Variants in MEPE observed in about 807,000 individuals in gnomAD.
MEPE encodes the protein matrix extracellular phosphoglycoprotein, also known as matrix, extracellular phosphoglycoprotein with ASARM motif (bone).
In MEPE, 7 loss-of-function variants were observed where a neutral mutation model predicts 7.3. The ratio of observed to expected loss-of-function variants is 0.95; its 90% confidence interval spans 0.54 to 1.79. The LOEUF is 1.79. MEPE is among the 40% of genes most tolerant of loss of function. The pLI, the probability that MEPE is intolerant of heterozygous loss-of-function variation, is 0.00. For missense variants in MEPE, 623 were observed against 628.2 expected (o/e 0.99, Z 0.09); for synonymous variants, 214 against 213.1 (o/e 1.00, Z -0.04).
intron 2 of MEPE, among the ~76,000 whole-genome samples, chr4:87,837,470 G>C (rs1374956513): frequency 6.6e-6 from 1 of 152,242 alleles, no homozygotes; most frequent in Non-Finnish European, 1.5e-5. Context: ...AAGGAGCTGA[G>C]AGCAAGCAGG....
At chr4:87,834,866 C>A in intron 2 of MEPE, 98 bp downstream of exon 2, 1 of 970,352 alleles carries the variant, frequency 1.0e-6, no homozygotes, top group Non-Finnish European at 1.6e-6. Context: ...TAGCATCTAC[C>A]TAATTCAGTT....
intron 3 of MEPE, among the ~76,000 whole-genome samples, chr4:87,844,290 T>C (rs886068296): frequency 3.9e-5 from 6 of 152,184 alleles, no homozygotes; most frequent in African/African-American, 1.4e-4. Flanking sequence ...TACTGAAAGT[T>C]GGCTGCACCC....
Position 87,845,865 on chromosome 4 carries a change from A to T in MEPE, c.997A>T (p.Ser333Cys). 6.2e-7 allele frequency: 1 copy of T among 1,614,048 alleles called. No individual in the cohort carries two copies. Among genetic ancestry groups the T allele is most frequent in the Non-Finnish European group, 8.5e-7 (1 of 1,179,982 alleles). The change falls in exon 4 of 4, where the codon AGC becomes TGC. Residue 333 changes from serine (S) to cysteine (C), a missense_variant. Physicochemically the swap from Ser to Cys is moderately radical, Grantham distance 112. Coordinates refer to ENST00000361056, the MANE Select transcript of MEPE (RefSeq NM_020203.6). Reference protein sequence around the residue: ...TAKEADAVDVSLVEGSNDIMG... With the variant: ...TAKEADAVDVCLVEGSNDIMG... ...GAAAGAGGCAGATGCTGTTGATGTC[A>T]GCCTTGTAGAGGGCAGCAACGATAT...
At position 87,845,359 on chromosome 4, in the gene MEPE, T is replaced by TG. The variant is rs756230387; in HGVS notation, c.496dup (p.Glu166GlyfsTer9). On this transcript the variant is annotated frameshift_variant, in exon 4 of 4. Coordinates refer to ENST00000361056, the MANE Select transcript of MEPE (RefSeq NM_020203.6). LOFTEE classifies it low-confidence loss of function (END_TRUNC). ...GGGCCAGTGACTGCGATTAAACTCC[T>TG]GGGGGAAGAAAACAAAGAGAACACA... The TG allele has an allele frequency of 3.5e-5, 56 of 1,613,798 alleles. No homozygotes were observed. The highest frequency in any genetic ancestry group is 4.7e-5 in the Non-Finnish European group (55 of 1,179,946).
At chr4:87,832,615 G>C (rs1722628088), upstream of MEPE, among the ~76,000 whole-genome samples, 1 of 152,114 alleles carries the variant, frequency 6.6e-6, no homozygotes, top group Non-Finnish European at 1.5e-5. Context: ...ATTTCACTTA[G>C]ATAAAATTGA....
rs940585358 is a variant in MEPE at position 87,834,635 on chromosome 4, A to C, written c.-12-68A>C. ...GTGTTTATATATTCCTATGTGTTTT[A>C]TCTCTTCTTATGGCTGCAGTTTATA... On this transcript the variant is annotated intron_variant, in intron 1 of 3. Coordinates refer to ENST00000361056, the MANE Select transcript of MEPE (RefSeq NM_020203.6). 25 of 1,231,902 alleles carry C rather than the reference A, an allele frequency of 2.0e-5. No homozygotes were observed. The South Asian group carries it at 3.1e-4, about 15-fold the overall frequency. The allele number at this position is 1,231,902 out of a possible 1,614,324, so 76.3% of individuals were successfully genotyped here.
upstream of MEPE, among the ~76,000 whole-genome samples, chr4:87,830,675 C>G (rs528095627): frequency 6.6e-6 from 1 of 152,174 alleles, no homozygotes; most frequent in African/African-American, 2.4e-5. Context: ...CAACAAACCC[C>G]AGGGACATGT....
chr4:87,822,266 C>G (rs1722355740), intron 1 of MEPE, among the ~76,000 whole-genome samples: 1 of 152,142 alleles, frequency 6.6e-6, no homozygotes, highest in Non-Finnish European at 1.5e-5. Context: ...GCCCAATCAC[C>G]TGACTCATCA....
intron 3 of MEPE, chr4:87,840,109 A>G (rs1044364037): frequency 7.3e-6 from 11 of 1,516,808 alleles, no homozygotes; most frequent in South Asian, 1.2e-5. Context: ...GTTTTATAAG[A>G]AAGTTTTCTT....
chr4:87,830,789 T>C (rs948471133), upstream of MEPE, among the ~76,000 whole-genome samples: 21 of 150,252 alleles, frequency 1.4e-4, no homozygotes, highest in South Asian at 2.1e-4. Flanking sequence ...CAGCTCTGGA[T>C]ACTCAAAAGA....
At chr4:87,828,421 A>T (rs574912900), upstream of MEPE, among the ~76,000 whole-genome samples, 34 of 152,156 alleles carry the variant, frequency 2.2e-4, no homozygotes, top group Non-Finnish European at 3.4e-4. Flanking sequence ...TGACAGAGAA[A>T]TGTGTTACCT....
upstream of MEPE, among the ~76,000 whole-genome samples, chr4:87,831,085 G>A (rs1304758236): frequency 6.6e-6 from 1 of 151,940 alleles, no homozygotes; most frequent in Non-Finnish European, 1.5e-5. Context: ...TCTTATTGAT[G>A]CTTTAATATA....
chr4:87,845,877 G>A lies in MEPE; in HGVS notation c.1009G>A (p.Gly337Ser). ...TGCTGTTGATGTCAGCCTTGTAGAG[G>A]GCAGCAACGATATCATGGGTAGTAC... ...ADAVDVSLVEGSNDIMGSTNF... is the reference protein window; with the variant it reads ...ADAVDVSLVESSNDIMGSTNF... The change falls in exon 4 of 4, where the codon GGC becomes AGC. Residue 337 changes from glycine (G) to serine (S), a missense_variant. Physicochemically the swap from Gly to Ser is moderately conservative, Grantham distance 56. Transcript: ENST00000361056. The A allele has an allele frequency of 6.2e-7, 1 of 1,613,944 alleles. No homozygotes were observed. Among genetic ancestry groups the A allele is most frequent in the Non-Finnish European group, 8.5e-7 (1 of 1,179,956 alleles).
chr4:87,836,605 TATAAGAATCAAC>T (rs1345484144), intron 2 of MEPE, among the ~76,000 whole-genome samples: 1 of 152,190 alleles, frequency 6.6e-6, no homozygotes, highest in African/African-American at 2.4e-5. Flanking sequence ...CACATGATCA[TATAAGAATCAAC>T]ATAAGAAATG....
At chr4:87,827,761 A>G (rs1722505179) in intron 1 of MEPE, among the ~76,000 whole-genome samples, 1 of 152,212 alleles carries the variant, frequency 6.6e-6, no homozygotes, top group African/African-American at 2.4e-5. Flanking sequence ...TTATATTGAC[A>G]TGTCTTCTCT....
intron 3 of MEPE, among the ~76,000 whole-genome samples, chr4:87,842,030 G>A (rs904296124): frequency 6.6e-6 from 1 of 152,142 alleles, no homozygotes; most frequent in African/African-American, 2.4e-5. Context: ...CTGAAAGGTA[G>A]ATATCATTTT....
chr4:87,826,841 T>C (rs1722483205), intron 1 of MEPE, among the ~76,000 whole-genome samples: 1 of 152,130 alleles, frequency 6.6e-6, no homozygotes, highest in South Asian at 2.1e-4. Flanking sequence ...AATGGGGCTG[T>C]TGGTTTTTGT....
intron 1 of MEPE, among the ~76,000 whole-genome samples, chr4:87,822,933 C>A (rs984123935): frequency 1.3e-5 from 2 of 152,146 alleles, no homozygotes; most frequent in Non-Finnish European, 2.9e-5. Context: ...ATTCTGGTCC[C>A]ATATGTAATC....
chr4:87,822,920 T>C (rs1282284311), intron 1 of MEPE, among the ~76,000 whole-genome samples: 1 of 152,146 alleles, frequency 6.6e-6, no homozygotes, highest in Non-Finnish European at 1.5e-5. Flanking sequence ...TGTACTGCAG[T>C]CAATTCTGGT....
Sources: gnomAD v4.1 joint callset for allele counts (sites outside exome capture counted in the v4.1 genomes callset) on GRCh38, gnomAD v4.1.1 for gene constraint, MANE v1.5 for transcripts, NCBI Gene and HGNC (gene_info 2026-07-23, HGNC 2026-07-21) for gene names.